MCM7: variants seen among roughly 807,000 people sequenced by gnomAD.
The protein encoded by MCM7 is minichromosome maintenance complex component 7.
Under a neutral mutation model 83.5 loss-of-function variants are expected in MCM7, and 95 were observed. That is an observed-to-expected ratio of 1.14 (90% CI 0.96 to 1.35). The LOEUF (loss-of-function observed/expected upper bound fraction) is 1.35, where lower values mean the gene tolerates loss of function less well. MCM7 is among the 40% of genes most tolerant of loss of function. The pLI, the probability that MCM7 is intolerant of heterozygous loss-of-function variation, is 0.00. For missense variants in MCM7, 1,087 were observed against 957.4 expected (o/e 1.14, Z -1.79); for synonymous variants, 461 against 352.7 (o/e 1.31, Z -3.44).
intron 13 of MCM7, 150 bp from the exon 14 acceptor site, chr7:100,093,551 G>C (rs1227499380): frequency 1.2e-6 from 1 of 808,192 alleles, no homozygotes; most frequent in Admixed American, 1.7e-5. Flanking sequence ...CCCAGCATCC[G>C]CAGTGTTGGG....
chr7:100,095,183 A>T (rs777975564), intron 12 of MCM7, among the ~76,000 whole-genome samples: 76 of 152,190 alleles, frequency 5.0e-4, no homozygotes, highest in Non-Finnish European at 9.4e-4. Flanking sequence ...CAAAAAAAAT[A>T]AATAGTGTAG....
intron 11 of MCM7, 31 bp downstream of exon 11, chr7:100,095,743 G>A: frequency 6.5e-7 from 1 of 1,539,756 alleles, no homozygotes; most frequent in Non-Finnish European, 8.7e-7. Flanking sequence ...CATTACAGGG[G>A]ACCTCTCTTT....
chr7:100,095,571 G>A (rs1424609537), intron 11 of MCM7, 101 bp from the exon 12 acceptor site: 6 of 1,325,182 alleles, frequency 4.5e-6, no homozygotes, highest in Non-Finnish European at 5.2e-6. Flanking sequence ...TCACAGTGTA[G>A]GAGGGACAAG....
intron 13 of MCM7, chr7:100,093,864 G>T (rs571635029): frequency 1.5e-6 from 1 of 646,802 alleles, no homozygotes; most frequent in Non-Finnish European, 3.0e-6. Flanking sequence ...GGTCCAAGAC[G>T]GGAGGACAGA....
At position 100,096,137 on chromosome 7, in the gene MCM7, C is replaced by T. The variant is rs780573339; in HGVS notation, c.1232G>A (p.Gly411Glu). The T allele has an allele frequency of 6.2e-7, 1 of 1,611,068 alleles. No homozygotes were observed. Among genetic ancestry groups the T allele is most frequent in the Non-Finnish European group, 8.5e-7 (1 of 1,178,132 alleles). The change falls in exon 11 of 15, where the codon GGA becomes GAA. Residue 411 changes from glycine (G) to glutamate (E), a missense_variant. Physicochemically the swap from Gly to Glu is moderately conservative, Grantham distance 98 (BLOSUM62 -2). Coordinates refer to ENST00000303887, the MANE Select transcript of MCM7 (RefSeq NM_005916.5). Reference sequence around the variant, plus strand: ...CAGCACAGCTGCCGTAAGCCCCACTCCTGAGGAGCCCCGGCCTGTTGTGTA... The same window carrying T: ...CAGCACAGCTGCCGTAAGCCCCACTTCTGAGGAGCCCCGGCCTGTTGTGTA... ...SQYTTGRGSSGVGLTAAVLRD... is the reference protein window; with the variant it reads ...SQYTTGRGSSEVGLTAAVLRD...
At position 100,098,234 on chromosome 7, in the gene MCM7, T is replaced by C; in HGVS notation, c.777A>G (p.Gly259=). Residue 259 remains glycine, a synonymous_variant, in exon 7 of 15, where the codon GGA becomes GGG. Transcript: ENST00000303887. ...CAGGCTGGGCAATCCTTGTGTTCTC[T>C]CCTTCTACCAGCACCGTGATACTAC... The part of the protein sequence containing the change: ...IPRSITVLVE[G]ENTRIAQPGD... 1 of 1,614,060 alleles carries C rather than the reference T, an allele frequency of 6.2e-7. No individual in the cohort carries two copies. Among genetic ancestry groups the C allele is most frequent in the Non-Finnish European group, 8.5e-7 (1 of 1,179,998 alleles).
Position 100,093,101 on chromosome 7 carries a change from G to T in MCM7, c.1991C>A (p.Thr664Asn), listed in dbSNP as rs1403183916. Residue 664 changes from threonine (T) to asparagine (N), a missense_variant, in exon 15 of 15, where the codon ACC becomes AAC. Transcript: ENST00000303887. ...TQRPADVIFA[T>N]VRELVSGGRS... is the part of the protein sequence containing the mutation. The stretch of plus-strand genomic sequence containing the variant: ...GCCCCCTGAGACCAGTTCACGGACG[G>T]TGGCAAATATCACATCTGCTGGTCT... The T allele has an allele frequency of 6.2e-7, 1 of 1,614,162 alleles. No homozygotes were observed. Among genetic ancestry groups the T allele is most frequent in the Non-Finnish European group, 8.5e-7 (1 of 1,179,992 alleles).
Position 100,100,505 on chromosome 7 carries a change from T to C in MCM7, c.32-412A>G, listed in dbSNP as rs1332337667. On this transcript the variant is annotated intron_variant, in intron 1 of 14. Transcript: ENST00000303887. ...CCCCGCCACCGCACCCCACCCCCGC[T>C]CCCGCCATCGCTTCCGCTCTTAGTA... 2.2e-5 allele frequency: 22 copies of C among 988,714 alleles called. No individual in the cohort carries two copies. In the South Asian group the frequency reaches 4.5e-4, roughly 20 times the overall value. The allele number at this position is 988,714 out of a possible 1,614,324, so 61.2% of individuals were successfully genotyped here. A position where few individuals can be genotyped will look rare whatever the true frequency, so the allele number is the denominator to read the frequency against.
chr7:100,094,108 G>A lies in MCM7; in HGVS notation c.1848+65C>T, dbSNP rs775069372. 18 of 1,600,804 alleles carry A rather than the reference G, an allele frequency of 1.1e-5. No homozygotes were observed. The East Asian group carries it at 1.3e-4, about 12-fold the overall frequency. On this transcript the variant is annotated intron_variant, in intron 13 of 14. Coordinates refer to ENST00000303887, the MANE Select transcript of MCM7 (RefSeq NM_005916.5). ...GGGAGGTGGGGAGGCGGCAATGAGA[G>A]CACGGTAAGGAGCTACCCCTTTAAG...
chr7:100,099,549 C>T (rs778780484), intron 3 of MCM7, 40 bp downstream of exon 3: 6 of 1,607,552 alleles, frequency 3.7e-6, no homozygotes, highest in Admixed American at 1.7e-5. Context: ...GAAGCTTAAA[C>T]GCCTCGCCCT....
Position 100,101,343 on chromosome 7 carries a change from T to C in MCM7, c.-49A>G. On this transcript the variant is annotated 5_prime_UTR_variant, in exon 1 of 15. Coordinates refer to ENST00000303887, the MANE Select transcript of MCM7 (RefSeq NM_005916.5). ...CGCTTGGCGGGCTCAGAGGTCTTGC[T>C]CCTGGGGAAGCTGAGAATCTCCGCG... The C allele has an allele frequency of 1.2e-6, 2 of 1,611,284 alleles. No homozygotes were observed. Among genetic ancestry groups the C allele is most frequent in the South Asian group, 1.1e-5 (1 of 91,024 alleles).
rs551903916 is a variant in MCM7 at position 100,100,007 on chromosome 7, G to A, written c.111+7C>T. ...TCCCCATTCCCTTTACCCAATCTTA[G>A]ACTTACCAACTGGTTCCCATACTTG... is the stretch of plus-strand genomic sequence containing the variant. On this transcript the variant is annotated splice_region_variant and intron_variant, in intron 2 of 14. Transcript: ENST00000303887. 2.5e-6 allele frequency: 4 copies of A among 1,612,990 alleles called. No individual in the cohort carries two copies. The highest frequency in any genetic ancestry group is 4.5e-5 in the East Asian group (2 of 44,868).
At chr7:100,094,439 A>C in intron 12 of MCM7, 98 bp from the exon 13 acceptor site, 1 of 1,382,622 alleles carries the variant, frequency 7.2e-7, no homozygotes, top group Non-Finnish European at 1.0e-6. Flanking sequence ...CCCATTTAAC[A>C]TGGTCCCCTC....
In MCM7 at chr7:100,092,753, A is replaced by C; in HGVS notation, c.*179T>G. On this transcript the variant is annotated 3_prime_UTR_variant, in exon 15 of 15. Transcript: ENST00000303887. ...TAAAAAACGCACAAAACCCTGTTTT[A>C]ATGGAAGTCAGGCCCAGGCTAGAAG... 1 of 656,542 alleles carries C rather than the reference A, an allele frequency of 1.5e-6. No individual in the cohort carries two copies. The highest frequency in any genetic ancestry group is 2.6e-6 in the Non-Finnish European group (1 of 384,292). The allele number at this position is 656,542 out of a possible 1,614,324, so 40.7% of individuals were successfully genotyped here. A position where few individuals can be genotyped will look rare whatever the true frequency, so the allele number is the denominator to read the frequency against.
At position 100,097,828 on chromosome 7, in the gene MCM7, C is replaced by A; in HGVS notation, c.985+6G>T. On this transcript the variant is annotated splice_donor_region_variant and intron_variant, in intron 8 of 14. Coordinates refer to ENST00000303887, the MANE Select transcript of MCM7 (RefSeq NM_005916.5). ...CGGAATTTCCTCTCTCTCCCCTGCC[C>A]CTCACCTGCAATTTGCCTCAGCTCC... 6.2e-7 allele frequency: 1 copy of A among 1,614,054 alleles called. No individual in the cohort carries two copies. The highest frequency in any genetic ancestry group is 8.5e-7 in the Non-Finnish European group (1 of 1,179,958).
At chr7:100,093,452 C>G (rs377681064) in intron 13 of MCM7, 51 bp from the exon 14 acceptor site, 52 of 1,538,188 alleles carry the variant, frequency 3.4e-5, no homozygotes, top group Non-Finnish European at 4.4e-5. Flanking sequence ...GGCAGTGGAA[C>G]GAGGTCAGGG....
rs1335504725 is a variant in MCM7 at position 100,095,907 on chromosome 7, C to T, written c.1462G>A (p.Ala488Thr). ...TTGTAGCGCCCGTAGGCAGGGTTGG[C>T]GGCAGCCAGGATGGAGCAGCGGGCA... Reference protein sequence around the residue: ...LNARCSILAAANPAYGRYNPR... With the variant: ...LNARCSILAATNPAYGRYNPR... Residue 488 changes from alanine to threonine, a missense_variant, in exon 11 of 15, where the codon GCC (alanine) becomes ACC (threonine). Physicochemically the swap from Ala to Thr is moderately conservative, Grantham distance 58 (BLOSUM62 0). Coordinates refer to ENST00000303887, the MANE Select transcript of MCM7 (RefSeq NM_005916.5). The T allele has an allele frequency of 4.3e-6, 7 of 1,613,806 alleles. No individual in the cohort carries two copies. The highest frequency in any genetic ancestry group is 1.3e-5 in the African/African-American group (1 of 74,900).
Position 100,098,266 on chromosome 7 carries a change from T to C in MCM7, c.745A>G (p.Ile249Val). The C allele has an allele frequency of 6.2e-7, 1 of 1,614,118 alleles. No homozygotes were observed. The highest frequency in any genetic ancestry group is 1.1e-5 in the South Asian group (1 of 91,072). ...ACCAGCACCGTGATACTACGAGGGA[T>C]ATTTCCCACAGGCACCTGATCACTC... ...EHSDQVPVGN[I>V]PRSITVLVEG... The change falls in exon 7 of 15, where the codon ATC becomes GTC. Residue 249 changes from isoleucine (I) to valine (V), a missense_variant. Ile to Val is a conservative substitution (Grantham distance 29, BLOSUM62 3). Coordinates refer to ENST00000303887, the MANE Select transcript of MCM7 (RefSeq NM_005916.5).
At position 100,095,449 on chromosome 7, in the gene MCM7, A is replaced by C. The variant is rs1271715881; in HGVS notation, c.1617T>G (p.Tyr539Ter). The C allele has an allele frequency of 1.2e-6, 2 of 1,614,056 alleles. No individual in the cohort carries two copies. The highest frequency in any genetic ancestry group is 1.3e-5 in the African/African-American group (1 of 74,956). The change falls in exon 12 of 15, where the codon TAT becomes TAG. Residue 539 changes from tyrosine (Y) to a stop codon, truncating the protein, a stop_gained. Coordinates refer to ENST00000303887, the MANE Select transcript of MCM7 (RefSeq NM_005916.5). LOFTEE classifies it high-confidence loss of function. ...GGGGCTGCCGGCTGTGCTGGTGCAC[A>C]TAGGTGATGTGCTGGGCCAACCTGG... The part of the protein sequence containing the change: ...NDLRLAQHIT[Y>*]VHQHSRQPPS...
Sources: allele counts gnomAD v4.1 joint callset (sites outside exome capture counted in the v4.1 genomes callset), GRCh38; gene constraint gnomAD v4.1.1; transcripts MANE v1.5; gene names NCBI Gene and HGNC (gene_info 2026-07-23, HGNC 2026-07-21).